MAP3K20: variants seen among roughly 807,000 people sequenced by gnomAD.
MAP3K20 encodes the protein mitogen-activated protein kinase kinase kinase 20, also known as HCCS-4.
A neutral mutation model predicts 85.7 loss-of-function variants in MAP3K20; 40 were observed. The observed-to-expected ratio is 0.47, with a 90% CI of 0.36 to 0.61. The LOEUF is 0.61. Ranked by LOEUF, MAP3K20 falls within the 20% of genes least tolerant of loss-of-function variation. The pLI is 0.00. For missense variants in MAP3K20, 817 were observed against 961.7 expected (o/e 0.85, Z 1.99); for synonymous variants, 325 against 327.7 (o/e 0.99, Z 0.09).
chr2:173,192,553 G>A (rs1690688924), intron 7 of MAP3K20, among the ~76,000 whole-genome samples: 1 of 152,102 alleles, frequency 6.6e-6, no homozygotes, highest in Non-Finnish European at 1.5e-5. Context: ...CTTGATTCTG[G>A]TTTCTTAAGA....
rs78097028 is a variant in MAP3K20 at position 173,216,400 on chromosome 2, A to G, written c.852-715A>G. ...CTACACTTGCTTGATTGTAAAAATT[A>G]CTCGGGTCTTTTATAAAATAATGAA... On this transcript the variant is annotated intron_variant, in intron 10 of 19. Transcript: ENST00000375213. Among the ~76,000 whole-genome samples, 201 of 152,210 alleles carry G rather than the reference A, an allele frequency of 1.3e-3. 4 individuals are homozygous for G. In the East Asian group the frequency reaches 0.031, roughly 24 times the overall value.
chr2:173,117,654 G>C (rs1688164448), intron 2 of MAP3K20, among the ~76,000 whole-genome samples: 2 of 151,970 alleles, frequency 1.3e-5, no homozygotes, highest in South Asian at 2.1e-4. Flanking sequence ...TAATTTTCAT[G>C]ATTACACAGT....
chr2:173,209,665 G>A (rs553529614), intron 9 of MAP3K20, 64 bp from the exon 10 acceptor site: 16 of 1,395,216 alleles, frequency 1.1e-5, no homozygotes, highest in Middle Eastern at 2.0e-4. Context: ...TAGTATCTAC[G>A]TTTTCTCTTA....
intron 2 of MAP3K20, among the ~76,000 whole-genome samples, chr2:173,165,460 G>A (rs1689788256): frequency 6.6e-6 from 1 of 152,014 alleles, no homozygotes; most frequent in South Asian, 2.1e-4. Flanking sequence ...TCTTTTCTTA[G>A]ATCCTCCAAG....
intron 1 of MAP3K20, among the ~76,000 whole-genome samples, chr2:173,087,574 A>G (rs1483519357): frequency 2.6e-5 from 4 of 152,252 alleles, no homozygotes; most frequent in African/African-American, 9.6e-5. Flanking sequence ...AACATATCCT[A>G]TTAAAATTCA....
chr2:173,161,772 C>T (rs1358538120), intron 2 of MAP3K20, among the ~76,000 whole-genome samples: 1 of 152,152 alleles, frequency 6.6e-6, no homozygotes, highest in African/African-American at 2.4e-5. Context: ...CTCATAGCTT[C>T]TCAGAACCTA....
chr2:173,222,262 G>A, intron 11 of MAP3K20: 2 of 985,830 alleles, frequency 2.0e-6, no homozygotes, highest in Non-Finnish European at 2.4e-6. Flanking sequence ...ATACTGAGAT[G>A]ATCTAAGAAG....
chr2:173,157,929 A>G (rs938742277), intron 2 of MAP3K20, among the ~76,000 whole-genome samples: 35 of 152,258 alleles, frequency 2.3e-4, no homozygotes, highest in African/African-American at 8.2e-4. Flanking sequence ...GAGCTTTGGA[A>G]CTTTCTAGAC....
intron 2 of MAP3K20, among the ~76,000 whole-genome samples, chr2:173,165,559 T>G (rs1171155146): frequency 6.6e-6 from 1 of 152,270 alleles, no homozygotes; most frequent in African/African-American, 2.4e-5. Context: ...ACATAGACTC[T>G]GATCACTCAT....
intron 7 of MAP3K20, among the ~76,000 whole-genome samples, chr2:173,195,395 C>T (rs1574096825): frequency 6.6e-6 from 1 of 152,044 alleles, no homozygotes; most frequent in South Asian, 2.1e-4. Context: ...AGAAAAAGTA[C>T]GTAGTCTTTT....
intron 2 of MAP3K20, among the ~76,000 whole-genome samples, chr2:173,168,097 CTT>C (rs1481816676): frequency 1.3e-5 from 1 of 76,714 alleles, no homozygotes; most frequent in African/African-American, 2.9e-5. Flanking sequence ...AATAAATAAA[CTT>C]TATTTCTAAT....
intron 2 of MAP3K20, among the ~76,000 whole-genome samples, chr2:173,095,973 A>G (rs1307543527): frequency 2.0e-5 from 3 of 152,246 alleles, no homozygotes; most frequent in South Asian, 2.1e-4. Context: ...AATTTCAAAC[A>G]TAAAGAAAAG....
At position 173,249,351 on chromosome 2, in the gene MAP3K20, C is replaced by G. The variant is rs572216521; in HGVS notation, c.1360-9348C>G. Reference sequence around the variant, plus strand: ...TGAGAATAATCAGCTATAAAAGAGACAGACTATTTGAAGTAAAATTAAAAA... The same window carrying G: ...TGAGAATAATCAGCTATAAAAGAGAGAGACTATTTGAAGTAAAATTAAAAA... On this transcript the variant is annotated intron_variant, in intron 16 of 19. Coordinates refer to ENST00000375213, the MANE Select transcript of MAP3K20 (RefSeq NM_016653.3). Among the ~76,000 whole-genome samples the G allele has an allele frequency of 1.7e-4, 26 of 152,264 alleles. No individual in the cohort carries two copies. The South Asian group carries it at 3.7e-3, about 22-fold the overall frequency.
intron 11 of MAP3K20, chr2:173,224,512 T>A: frequency 1.0e-6 from 1 of 985,422 alleles, no homozygotes; most frequent in Non-Finnish European, 1.2e-6. Context: ...AATATTTTCC[T>A]CATTTCTTTA....
At position 173,182,842 on chromosome 2, in the gene MAP3K20, C is replaced by T; in HGVS notation, c.248-12C>T. 1.3e-6 allele frequency: 2 copies of T among 1,547,502 alleles called. No homozygotes were observed. Among genetic ancestry groups the T allele is most frequent in the African/African-American group, 1.4e-5 (1 of 72,422 alleles). On this transcript the variant is annotated splice_polypyrimidine_tract_variant and intron_variant, in intron 3 of 19. Coordinates refer to ENST00000375213, the MANE Select transcript of MAP3K20 (RefSeq NM_016653.3). ...GATTTTAATTATATGCTTATCTTTC[C>T]TTTTAAAATAGAATATGCTTCTCTG...
chr2:173,224,059 C>G, intron 11 of MAP3K20: 3 of 941,632 alleles, frequency 3.2e-6, no homozygotes, highest in Non-Finnish European at 3.8e-6. Flanking sequence ...ACTCACAGAG[C>G]TTACATGCCA....
intron 9 of MAP3K20, among the ~76,000 whole-genome samples, chr2:173,208,064 GA>G (rs1389912542): frequency 3.3e-5 from 5 of 152,128 alleles, no homozygotes; most frequent in African/African-American, 1.2e-4. Flanking sequence ...CTTGCAAAAT[GA>G]AAATCCTTTA....
chr2:173,216,254 G>A (rs115395716), intron 10 of MAP3K20, among the ~76,000 whole-genome samples: 1 of 152,336 alleles, frequency 6.6e-6, no homozygotes, highest in African/African-American at 2.4e-5. Flanking sequence ...ACAGATTTCT[G>A]TAACATGGCA....
At chr2:173,221,586 G>C (rs1684253109) in intron 11 of MAP3K20, 1 of 1,447,242 alleles carries the variant, frequency 6.9e-7, no homozygotes, top group African/African-American at 1.4e-5. Flanking sequence ...AAAGTAACTT[G>C]TTTATCTCAG....
Sources: allele counts gnomAD v4.1 joint callset (sites outside exome capture counted in the v4.1 genomes callset), GRCh38; gene constraint gnomAD v4.1.1; transcripts MANE v1.5; gene names NCBI Gene and HGNC (gene_info 2026-07-23, HGNC 2026-07-21).